PMFBP1: variants seen among roughly 807,000 people sequenced by gnomAD.
PMFBP1 encodes the protein polyamine modulated factor 1 binding protein 1, also known as polyamine-modulated factor 1-binding protein 1.
A neutral mutation model predicts 137.8 loss-of-function variants in PMFBP1; 131 were observed. The ratio of observed to expected loss-of-function variants is 0.95; its 90% CI spans 0.82 to 1.10. PMFBP1 has a LOEUF of 1.10. Ranked by LOEUF, PMFBP1 falls within the 50% of genes least tolerant of loss-of-function variation. The probability of loss-of-function intolerance (pLI) is 0.00; values close to 1 mark genes in which losing one functional copy is unlikely to be tolerated. For missense variants in PMFBP1, 1,199 were observed against 1,175.4 expected, an observed-to-expected ratio of 1.02 and a Z score of -0.29; for synonymous variants, 490 against 450.4, an observed-to-expected ratio of 1.09 and a Z score of -1.11.
At chr16:72,195,668 C>T in the PMFBP1 span, among the ~76,000 whole-genome samples, 13 of 152,364 alleles carry the variant, frequency 8.5e-5, no homozygotes, top group East Asian at 2.3e-3. Flanking sequence ...AATACTACTA[C>T]TCTCTTTCAT....
At chr16:72,172,974 C>A (rs901087466), upstream of PMFBP1, among the ~76,000 whole-genome samples, 2 of 152,146 alleles carry the variant, frequency 1.3e-5, no homozygotes, top group Non-Finnish European at 2.9e-5. Flanking sequence ...CGAGGTATGC[C>A]TGTACTGGCG....
chr16:72,129,290 A>T, intron 12 of PMFBP1, 57 bp from the exon 13 acceptor site: 2 of 1,554,730 alleles, frequency 1.3e-6, no homozygotes, highest in Non-Finnish European at 1.7e-6. Flanking sequence ...TATTTGGGGG[A>T]AAAATACAGA....
chr16:72,142,703 G>T (rs2042741510), intron 5 of PMFBP1, among the ~76,000 whole-genome samples: 1 of 152,166 alleles, frequency 6.6e-6, no homozygotes, highest in Non-Finnish European at 1.5e-5. Context: ...TACAGCAAAA[G>T]GAAAACTCCA....
chr16:72,198,863 G>A, the PMFBP1 span, among the ~76,000 whole-genome samples: 29,753 of 137,030 alleles, frequency 0.22, 4,167 homozygotes, highest in African/African-American at 0.41. Flanking sequence ...AGGTACGGCC[G>A]CCGATCACAG....
At chr16:72,228,781 C>T in the PMFBP1 span, among the ~76,000 whole-genome samples, 2 of 151,642 alleles carry the variant, frequency 1.3e-5, no homozygotes, top group Non-Finnish European at 2.9e-5. Flanking sequence ...TATATTTTTT[C>T]CCTTACTTCT....
the PMFBP1 span, among the ~76,000 whole-genome samples, chr16:72,241,524 C>T: frequency 6.6e-6 from 1 of 152,112 alleles, no homozygotes. Flanking sequence ...TTTGAACAGC[C>T]AAAGCCTTGC....
At chr16:72,233,669 CACTATCTG>C in the PMFBP1 span, among the ~76,000 whole-genome samples, 155 of 152,244 alleles carry the variant, frequency 1.0e-3, no homozygotes, top group African/African-American at 3.6e-3. Flanking sequence ...TAACTATCAC[CACTATCTG>C]ACTTTAGAAT....
chr16:72,140,304 G>C (rs879769479), intron 6 of PMFBP1, 108 bp downstream of exon 6: 140 of 1,171,542 alleles, frequency 1.2e-4, no homozygotes, highest in Non-Finnish European at 1.6e-4. Context: ...AGACATTTGA[G>C]GATTCTCGGC....
At chr16:72,174,611 A>G (rs545747197), upstream of PMFBP1, among the ~76,000 whole-genome samples, 3 of 152,356 alleles carry the variant, frequency 2.0e-5, no homozygotes, top group African/African-American at 7.2e-5. Flanking sequence ...TTTATAAAGA[A>G]AAGAGGTTTA....
Position 72,130,631 on chromosome 16 carries a change from C to T in PMFBP1, c.1539G>A (p.Leu513=). The T allele has an allele frequency of 6.2e-7, 1 of 1,613,936 alleles. No homozygotes were observed. Among genetic ancestry groups the T allele is most frequent in the Non-Finnish European group, 8.5e-7 (1 of 1,179,976 alleles). ...GGATGGTGTCTGCCTTCTGCTTGTC[C>T]AGGAGGAGACCCTTCTGCAGTTTCC... ...TQRKLQKGLL[L]DKQKADTIQE... is the part of the protein sequence containing the mutation. The change falls in exon 11 of 21, where the codon CTG becomes CTA. Residue 513 remains leucine, a synonymous_variant. Transcript: ENST00000237353.
chr16:72,223,943 T>C, the PMFBP1 span, among the ~76,000 whole-genome samples: 3 of 152,208 alleles, frequency 2.0e-5, no homozygotes, highest in South Asian at 2.1e-4. Context: ...CTGGGAAGGA[T>C]AGCATTGCAA....
chr16:72,156,286 T>C (rs1005603554), intron 3 of PMFBP1, among the ~76,000 whole-genome samples: 55 of 151,920 alleles, frequency 3.6e-4, no homozygotes, highest in Non-Finnish European at 7.8e-4. Context: ...TGTGCCTGGC[T>C]GCATAATGTT....
At chr16:72,196,085 A>G in the PMFBP1 span, among the ~76,000 whole-genome samples, 1 of 151,824 alleles carries the variant, frequency 6.6e-6, no homozygotes, top group African/African-American at 2.4e-5. Context: ...AAACTCTTGA[A>G]CTGATTCAGA....
chr16:72,125,994 C>T lies in PMFBP1; in HGVS notation c.2227G>A (p.Asp743Asn). 2 of 1,614,148 alleles carry T rather than the reference C, an allele frequency of 1.2e-6. No individual in the cohort carries two copies. The highest frequency in any genetic ancestry group is 8.5e-7 in the Non-Finnish European group (1 of 1,180,008). The change falls in exon 15 of 21, where the codon GAT becomes AAT. Residue 743 changes from aspartate (D) to asparagine (N), a missense_variant. Transcript: ENST00000237353. Reference sequence around the variant, plus strand: ...TTCTCGAGGGCTTGTGTCAGGTCATCCTGGCAGGCGGCTGACTTCCGGGAT... The same window carrying T: ...TTCTCGAGGGCTTGTGTCAGGTCATTCTGGCAGGCGGCTGACTTCCGGGAT... ...ALSRKSAACQDDLTQALEKLN... is the reference protein window; with the variant it reads ...ALSRKSAACQNDLTQALEKLN...
At chr16:72,151,872 A>T in intron 4 of PMFBP1, among the ~76,000 whole-genome samples, 1 of 152,150 alleles carries the variant, frequency 6.6e-6, no homozygotes, top group East Asian at 1.9e-4. Context: ...CTCTAATACC[A>T]GGAGCCCATT....
At chr16:72,212,358 T>C in the PMFBP1 span, among the ~76,000 whole-genome samples, 1 of 151,988 alleles carries the variant, frequency 6.6e-6, no homozygotes, top group African/African-American at 2.4e-5. Flanking sequence ...ATAAGATATA[T>C]AGAGGATAAA....
the PMFBP1 span, among the ~76,000 whole-genome samples, chr16:72,188,416 C>T: frequency 1.3e-5 from 2 of 152,222 alleles, no homozygotes; most frequent in African/African-American, 4.8e-5. Context: ...TCTCCCTAAG[C>T]ACCTATTGCC....
chr16:72,234,027 T>A, the PMFBP1 span, among the ~76,000 whole-genome samples: 2 of 152,180 alleles, frequency 1.3e-5, no homozygotes, highest in Non-Finnish European at 2.9e-5. Context: ...TATAAATAAT[T>A]TTGCTATGAG....
At chr16:72,206,271 G>C in the PMFBP1 span, among the ~76,000 whole-genome samples, 1 of 152,184 alleles carries the variant, frequency 6.6e-6, no homozygotes, top group African/African-American at 2.4e-5. Context: ...TCATGCCTGT[G>C]ACAGTCCTCA....
Sources: allele counts gnomAD v4.1 joint callset (sites outside exome capture counted in the v4.1 genomes callset), GRCh38; gene constraint gnomAD v4.1.1; transcripts MANE v1.5; gene names NCBI Gene and HGNC (gene_info 2026-07-23, HGNC 2026-07-21).